TEX101: variants seen among roughly 807,000 people sequenced by gnomAD.
TEX101 encodes testis expressed 101.
TEX101 carries 10 observed loss-of-function variants against 18.1 expected under a neutral mutation model. The observed-to-expected ratio is 0.55, with a 90% CI of 0.34 to 0.94. The LOEUF (loss-of-function observed/expected upper bound fraction) is 0.94, where lower values mean the gene tolerates loss of function less well. Ranked by LOEUF, TEX101 falls within the 40% of genes least tolerant of loss-of-function variation. The pLI, the probability that TEX101 is intolerant of heterozygous loss-of-function variation, is 0.02. For synonymous variants in TEX101, 94 were observed against 114.8 expected, an observed-to-expected ratio of 0.82 and a Z score of 1.16; for missense variants, 259 against 298.9, an observed-to-expected ratio of 0.87 and a Z score of 0.98.
chr19:43,402,584 C>CTTTTTT (rs879497888), intron 1 of TEX101, among the ~76,000 whole-genome samples: 2 of 143,698 alleles, frequency 1.4e-5, no homozygotes, highest in Non-Finnish European at 1.5e-5. Flanking sequence ...CTAAATCTGA[C>CTTTTTT]TTTTTTTTTT....
At chr19:43,398,972 C>T (rs1459750216), upstream of TEX101, among the ~76,000 whole-genome samples, 1 of 152,190 alleles carries the variant, frequency 6.6e-6, no homozygotes, top group Non-Finnish European at 1.5e-5. Flanking sequence ...AGATTGAATG[C>T]CGCCTAGTTC....
At chr19:43,402,165 A>T (rs952051987) in intron 1 of TEX101, among the ~76,000 whole-genome samples, 3 of 152,288 alleles carry the variant, frequency 2.0e-5, no homozygotes, top group African/African-American at 7.2e-5. Context: ...ATAATAATTT[A>T]CAACTGAACC....
chr19:43,410,970 G>C (rs1183643987), upstream of TEX101, among the ~76,000 whole-genome samples: 1 of 151,978 alleles, frequency 6.6e-6, no homozygotes, highest in Non-Finnish European at 1.5e-5. Context: ...TCCACCTCCT[G>C]GGCTCCAGCG....
At chr19:43,393,805 G>C in the TEX101 span, among the ~76,000 whole-genome samples, 322 of 150,234 alleles carry the variant, frequency 2.1e-3, 11 homozygotes, top group East Asian at 0.031. Context: ...GCGGAGCAGG[G>C]GTTCAAACCC....
In TEX101 at chr19:43,416,398, G is replaced by A. The variant is rs745685419; in HGVS notation, c.234G>A (p.Thr78=). The A allele has an allele frequency of 4.9e-5, 79 of 1,613,826 alleles. No homozygotes were observed. Among genetic ancestry groups the A allele is most frequent in the Middle Eastern group, 1.6e-4 (1 of 6,080 alleles). Residue 78 remains threonine (T), a synonymous_variant, in exon 4 of 6, where the codon ACG becomes ACA. Transcript: ENST00000598265. ...GGACTGAGACAGCCATTTTGGCCAC[G>A]AAGGGCTGCATCCCGGAAGGGGAGG... The part of the protein sequence containing the change: ...KAGTETAILA[T]KGCIPEGEEA...
upstream of TEX101, among the ~76,000 whole-genome samples, chr19:43,398,195 A>C (rs1266006915): frequency 2.0e-5 from 2 of 101,260 alleles, no homozygotes; most frequent in Non-Finnish European, 3.6e-5. Context: ...TATATATTAT[A>C]TATAAATATA....
chr19:43,407,171 G>T (rs1004607460), intron 3 of TEX101, among the ~76,000 whole-genome samples: 1 of 152,108 alleles, frequency 6.6e-6, no homozygotes, highest in Admixed American at 6.5e-5. Flanking sequence ...ACCAAGGTTG[G>T]GATGTTCACC....
Position 43,416,038 on chromosome 19 carries a change from T to C in TEX101, c.64+55T>C, listed in dbSNP as rs2122349279. The C allele has an allele frequency of 8.7e-6, 14 of 1,611,430 alleles. No homozygotes were observed. In the South Asian group the frequency reaches 1.5e-4, roughly 18 times the overall value. ...TGTGTCACAGAAGGTGGACTGATGA[T>C]GAAAAGGGAGCCGCCTTGGCCCATG... On this transcript the variant is annotated intron_variant, in intron 2 of 5. Transcript: ENST00000598265.
At chr19:43,406,641 A>C in intron 3 of TEX101, 1 of 585,692 alleles carries the variant, frequency 1.7e-6, no homozygotes, top group South Asian at 2.1e-5. Context: ...AGCCTTAGCC[A>C]AGCTCACCAG....
At chr19:43,407,011 A>G (rs976474006) in intron 3 of TEX101, among the ~76,000 whole-genome samples, 7 of 145,702 alleles carry the variant, frequency 4.8e-5, no homozygotes, top group African/African-American at 1.5e-4. Context: ...TCACTGCGCT[A>G]TGTGAGCTAT....
chr19:43,391,485 T>C, the TEX101 span, among the ~76,000 whole-genome samples: 2 of 151,658 alleles, frequency 1.3e-5, no homozygotes, highest in Admixed American at 1.3e-4. Flanking sequence ...TTGTGATTTT[T>C]ATTTTCCTAA....
chr19:43,391,836 C>T, the TEX101 span, among the ~76,000 whole-genome samples: 1 of 152,216 alleles, frequency 6.6e-6, no homozygotes, highest in Non-Finnish European at 1.5e-5. Flanking sequence ...CCCAGAAGTA[C>T]ACTGGTTAGT....
chr19:43,398,689 G>A (rs1970294800), upstream of TEX101, among the ~76,000 whole-genome samples: 1 of 152,066 alleles, frequency 6.6e-6, no homozygotes, highest in African/African-American at 2.4e-5. Context: ...AAAGACAGAA[G>A]GCCCAAAGTG....
chr19:43,410,385 G>C (rs1970407950), upstream of TEX101, among the ~76,000 whole-genome samples: 1 of 152,124 alleles, frequency 6.6e-6, no homozygotes, highest in Non-Finnish European at 1.5e-5. Flanking sequence ...GGCTGGAAGA[G>C]ACTAGGGATG....
intron 3 of TEX101, among the ~76,000 whole-genome samples, chr19:43,406,941 T>TTTG (rs5828170): frequency 0.083 from 12,577 of 150,910 alleles, 663 homozygotes; most frequent in Middle Eastern, 0.18. Context: ...GTTTTTTTTT[T>TTTG]TTTTTTTGAC....
At chr19:43,409,196 A>C (rs552078196) in intron 3 of TEX101, among the ~76,000 whole-genome samples, 1 of 152,358 alleles carries the variant, frequency 6.6e-6, no homozygotes, top group East Asian at 1.9e-4. Flanking sequence ...AAAGTGATGT[A>C]GAAGAAACTA....
chr19:43,391,406 CTTTTTTTTTTTTTTT>C, the TEX101 span, among the ~76,000 whole-genome samples: 1 of 95,886 alleles, frequency 1.0e-5, no homozygotes, highest in East Asian at 3.2e-4. Context: ...TTCTGTTTTT[CTTTTTTTTTTTTTTT>C]TTTTTTTTTG....
At position 43,406,081 on chromosome 19, in the gene TEX101, C is replaced by CAAAAAAAAAAAAAA. The variant is rs34029449; in HGVS notation, c.-282-135_-282-122dup. On this transcript the variant is annotated intron_variant, in intron 2 of 7. Coordinates refer to the TEX101 transcript ENST00000602198. The stretch of plus-strand genomic sequence containing the variant: ...ACAACATAAGGAGACCCTGTCTCTA[C>CAAAAAAAAAAAAAA]AAAAAAAAAAAAAAAAAAAAGCCAG... The CAAAAAAAAAAAAAA allele has an allele frequency of 8.7e-3, 511 of 58,790 alleles. 63 individuals are homozygous for CAAAAAAAAAAAAAA. The highest frequency in any genetic ancestry group is 0.042 in the East Asian group (73 of 1,730). The allele number at this position is 58,790 out of a possible 1,614,324, so 3.6% of individuals were successfully genotyped here. A position where few individuals can be genotyped will look rare whatever the true frequency, so the allele number is the denominator to read the frequency against.
At position 43,415,932 on chromosome 19, in the gene TEX101, C is replaced by G. The variant is rs565871735; in HGVS notation, c.13C>G (p.Arg5Gly). 1 of 1,614,054 alleles carries G rather than the reference C, an allele frequency of 6.2e-7. No individual in the cohort carries two copies. The highest frequency in any genetic ancestry group is 8.5e-7 in the Non-Finnish European group (1 of 1,180,044). MGTP[R>G]IQHLLILLVL... is the part of the protein sequence containing the mutation. The stretch of plus-strand genomic sequence containing the variant: ...TCCAGAAGAAGCCATGGGAACCCCT[C>G]GTATCCAGCATTTGCTGATCCTCCT... The change falls in exon 2 of 6, where the codon CGT becomes GGT. Residue 5 changes from arginine to glycine, a missense_variant. Arg to Gly is a moderately radical substitution (Grantham distance 125, BLOSUM62 -2). Transcript: ENST00000598265.
Sources: allele counts gnomAD v4.1 joint callset (sites outside exome capture counted in the v4.1 genomes callset), GRCh38; gene constraint gnomAD v4.1.1; transcripts MANE v1.5; gene names NCBI Gene and HGNC (gene_info 2026-07-23, HGNC 2026-07-21).